Variants in ARMC9 observed in about 807,000 individuals in gnomAD.
ARMC9 encodes lisH domain-containing protein ARMC9.
Under a neutral mutation model 107.0 loss-of-function variants are expected in ARMC9, and 94 were observed. That is an observed-to-expected ratio of 0.88 (90% CI 0.74 to 1.04). The LOEUF is 1.04. Among genes scored for constraint, ARMC9 ranks in the 50% least tolerant of loss-of-function variants. The pLI, the probability that ARMC9 is intolerant of heterozygous loss-of-function variation, is 0.00. For synonymous variants in ARMC9, 380 were observed against 396.9 expected, an observed-to-expected ratio of 0.96 and a Z score of 0.51; for missense variants, 942 against 1,030.1, an observed-to-expected ratio of 0.91 and a Z score of 1.17.
intron 19 of ARMC9, among the ~76,000 whole-genome samples, chr2:231,307,222 T>C (rs2042082621): frequency 2.6e-5 from 4 of 152,174 alleles, no homozygotes; most frequent in Admixed American, 6.5e-5. Context: ...AGCAAGAGGC[T>C]GAGAGAGGGG....
rs529950825 is a variant in ARMC9 at position 231,322,373 on chromosome 2, G to A, written c.1774-9420G>A. ...CAAAGAGTGAGATTTACAATTCAGC[G>A]TTCTGAGAAGGTGTCTCAAATTTAA... On this transcript the variant is annotated intron_variant, in intron 19 of 24. Transcript: ENST00000611582. Among the ~76,000 whole-genome samples, 94 of 152,344 alleles carry A rather than the reference G, an allele frequency of 6.2e-4. 1 individual carries two copies. The Middle Eastern group carries it at 0.031, about 50-fold the overall frequency.
chr2:231,369,881 A>T, intron 23 of ARMC9, 72 bp from the exon 24 acceptor site: 2 of 1,348,292 alleles, frequency 1.5e-6, no homozygotes, highest in Non-Finnish European at 1.9e-6. Flanking sequence ...GGCGGGAGCC[A>T]CCACACCCGG....
chr2:231,227,195 A>G lies in ARMC9; in HGVS notation c.622+397A>G, dbSNP rs1043023359. Among the ~76,000 whole-genome samples, 8 of 152,214 alleles carry G rather than the reference A, an allele frequency of 5.3e-5. No homozygotes were observed. The East Asian group carries it at 5.8e-4, about 11-fold the overall frequency. On this transcript the variant is annotated intron_variant, in intron 7 of 24. Transcript: ENST00000611582. ...AACTAGTCAACTGGGGTCTTCGAAG[A>G]CATATGGAGTACCCATTCTTATCAA...
intron 23 of ARMC9, among the ~76,000 whole-genome samples, chr2:231,364,354 A>G (rs7599715): frequency 0.15 from 23,073 of 152,246 alleles, 4,097 homozygotes; most frequent in African/African-American, 0.43. Context: ...AAATGTCAAA[A>G]ATCTTGTCCT....
At chr2:231,319,257 C>T (rs1396520803) in intron 19 of ARMC9, among the ~76,000 whole-genome samples, 4 of 152,136 alleles carry the variant, frequency 2.6e-5, no homozygotes, top group African/African-American at 4.8e-5. Context: ...AGCCCAAAGG[C>T]GCTGGGACCA....
Position 231,297,370 on chromosome 2 carries a change from A to G in ARMC9, c.1773+1117A>G, listed in dbSNP as rs1475962251. On this transcript the variant is annotated intron_variant, in intron 19 of 24. Coordinates refer to ENST00000611582, the MANE Select transcript of ARMC9 (RefSeq NM_001352754.2). This position sits in a 1 kb window ranked among gnomAD's most constrained non-coding sequence, Gnocchi z 4.2. ...GAGGGAAAAACACCAGCTTGAGCTC[A>G]CACAGAGAGTTGATGGTGGTAAAAT... 1.3e-5 allele frequency among the ~76,000 whole-genome samples: 2 copies of G among 152,222 alleles called. No homozygotes were observed. The highest frequency in any genetic ancestry group is 2.9e-5 in the Non-Finnish European group (2 of 68,046).
At chr2:231,296,717 G>T (rs1482883782) in intron 19 of ARMC9, among the ~76,000 whole-genome samples, 1 of 152,204 alleles carries the variant, frequency 6.6e-6, no homozygotes, top group Non-Finnish European at 1.5e-5. Flanking sequence ...CTTTTGACTT[G>T]TGTTTCCTCA....
intron 17 of ARMC9, among the ~76,000 whole-genome samples, chr2:231,286,005 GACA>G (rs141371031): frequency 0.12 from 18,602 of 152,130 alleles, 2,412 homozygotes; most frequent in African/African-American, 0.32. Context: ...AAGGAAATAA[GACA>G]ACAAGGAAAA....
intron 7 of ARMC9, among the ~76,000 whole-genome samples, chr2:231,232,560 T>C (rs2035331799): frequency 6.6e-6 from 1 of 151,730 alleles, no homozygotes; most frequent in African/African-American, 2.4e-5. Flanking sequence ...CAAGCGATTC[T>C]CCTGTGTCAG....
chr2:231,299,066 C>T (rs1027150029), intron 19 of ARMC9, among the ~76,000 whole-genome samples: 7 of 152,204 alleles, frequency 4.6e-5, no homozygotes, highest in East Asian at 3.8e-4. Context: ...TGGAAACTCT[C>T]AAGAGAACCC....
intron 7 of ARMC9, among the ~76,000 whole-genome samples, chr2:231,231,373 A>G (rs182042064): frequency 6.6e-6 from 1 of 152,310 alleles, no homozygotes; most frequent in African/African-American, 2.4e-5. Context: ...CTCTATATAT[A>G]TATGAAAAAC....
chr2:231,346,693 T>C (rs2044831843), intron 21 of ARMC9, among the ~76,000 whole-genome samples: 1 of 152,150 alleles, frequency 6.6e-6, no homozygotes, highest in Admixed American at 6.5e-5. Context: ...AACCCCACTA[T>C]CACAGCTAAG....
At chr2:231,365,601 A>G (rs1656363961) in intron 23 of ARMC9, among the ~76,000 whole-genome samples, 1 of 152,180 alleles carries the variant, frequency 6.6e-6, no homozygotes, top group African/African-American at 2.4e-5. Context: ...AAACCCAGAA[A>G]GGGGCAGAGG....
chr2:231,270,864 T>G, intron 12 of ARMC9, 118 bp from the exon 13 acceptor site: 1 of 868,726 alleles, frequency 1.2e-6, no homozygotes, highest in South Asian at 1.5e-5. Flanking sequence ...CTTTAGTCTG[T>G]TTATTTCACC....
At chr2:231,256,125 A>G (rs541171879) in intron 9 of ARMC9, 8 of 1,551,660 alleles carry the variant, frequency 5.2e-6, no homozygotes, top group African/African-American at 1.4e-5. Context: ...CAGCCTATCA[A>G]GCTGGCCAGG....
At chr2:231,284,276 C>T (rs1237098284) in intron 17 of ARMC9, among the ~76,000 whole-genome samples, 1 of 152,182 alleles carries the variant, frequency 6.6e-6, no homozygotes, top group African/African-American at 2.4e-5. Flanking sequence ...TAGTAGGCTA[C>T]ACCATCTAGG....
intron 19 of ARMC9, among the ~76,000 whole-genome samples, chr2:231,300,892 A>T (rs948968049): frequency 1.3e-5 from 2 of 152,146 alleles, no homozygotes; most frequent in Non-Finnish European, 2.9e-5. Flanking sequence ...AAGTGAGATG[A>T]GTTGAGGAAG....
intron 3 of ARMC9, among the ~76,000 whole-genome samples, chr2:231,211,358 TAAA>T (rs773845468): frequency 1.5e-5 from 2 of 131,164 alleles, no homozygotes; most frequent in African/African-American, 2.8e-5. Flanking sequence ...CCGCCTCTAC[TAAA>T]AAAAAAAAAA....
intron 23 of ARMC9, among the ~76,000 whole-genome samples, chr2:231,369,004 G>A (rs1484319153): frequency 6.6e-6 from 1 of 152,196 alleles, no homozygotes; most frequent in African/African-American, 2.4e-5. Flanking sequence ...GAATCCCACA[G>A]TCTCCTCCCA....
Sources: allele counts gnomAD v4.1 joint callset (sites outside exome capture counted in the v4.1 genomes callset), GRCh38; gene constraint gnomAD v4.1.1; non-coding constraint Gnocchi (gnomAD v3.1); transcripts MANE v1.5; gene names NCBI Gene and HGNC (gene_info 2026-07-23, HGNC 2026-07-21).